ULK2: variants seen among roughly 807,000 people sequenced by gnomAD.
ULK2 encodes the protein unc-51 like autophagy activating kinase 2, also known as serine/threonine-protein kinase ULK2.
In ULK2, 76 loss-of-function variants were observed where a neutral mutation model predicts 127.5. That is an observed-to-expected ratio of 0.60 (90% confidence interval 0.50 to 0.72). ULK2 has a LOEUF of 0.72. ULK2 is among the 30% of genes least tolerant of loss of function. ULK2 has a pLI of 0.00. For synonymous variants in ULK2, 452 were observed against 461.9 expected, an observed-to-expected ratio of 0.98 and a Z score of 0.28; for missense variants, 1,144 against 1,295.9, an observed-to-expected ratio of 0.88 and a Z score of 1.80.
chr17:19,820,130 C>T (rs1428527362), intron 12 of ULK2, among the ~76,000 whole-genome samples: 1 of 151,096 alleles, frequency 6.6e-6, no homozygotes, highest in Non-Finnish European at 1.5e-5. Context: ...CTCACTGCAA[C>T]CTCCGCCTCC....
chr17:19,848,000 T>C (rs1213337022), intron 5 of ULK2, among the ~76,000 whole-genome samples: 2 of 152,150 alleles, frequency 1.3e-5, no homozygotes, highest in Non-Finnish European at 1.5e-5. Flanking sequence ...TCCTCATGTA[T>C]AAAAGTTGAT....
intron 16 of ULK2, among the ~76,000 whole-genome samples, chr17:19,800,222 T>C (rs1479269500): frequency 6.6e-6 from 1 of 152,342 alleles, no homozygotes; most frequent in East Asian, 1.9e-4. Flanking sequence ...GCTCCTCCCC[T>C]TCATTCTTCA....
chr17:19,785,411 C>T (rs982470608), intron 21 of ULK2, among the ~76,000 whole-genome samples: 7 of 151,928 alleles, frequency 4.6e-5, no homozygotes, highest in African/African-American at 1.7e-4. Flanking sequence ...CAGGTTTTCA[C>T]CATGTTGGCC....
At chr17:19,861,940 A>G (rs1701793296) in intron 3 of ULK2, among the ~76,000 whole-genome samples, 1 of 152,214 alleles carries the variant, frequency 6.6e-6, no homozygotes, top group Non-Finnish European at 1.5e-5. Context: ...TTGGAAAGCA[A>G]TCATACTCTA....
intron 10 of ULK2, among the ~76,000 whole-genome samples, chr17:19,834,557 A>G (rs1017807169): frequency 6.6e-6 from 1 of 152,110 alleles, no homozygotes; most frequent in Non-Finnish European, 1.5e-5. Flanking sequence ...GACACCAAAC[A>G]GTAACTTGAG....
intron 13 of ULK2, among the ~76,000 whole-genome samples, chr17:19,814,458 T>TGTTTG (rs1597752819): frequency 1.6e-5 from 2 of 122,792 alleles, no homozygotes; most frequent in African/African-American, 7.0e-5. Context: ...TTTTTTTTTT[T>TGTTTG]TTTTTGGAGA....
rs1203276527 is a variant in ULK2, at chr17:19,774,233, C to T, written c.*2116G>A. ...ATTAGCCTTGATAATGGAAGTATAA[C>T]CAGAACCATTATTCATGAATTTACA... On this transcript the variant is annotated 3_prime_UTR_variant, in exon 27 of 27. Transcript: ENST00000395544. The T allele has an allele frequency of 3.9e-5, 6 of 152,758 alleles. No homozygotes were observed. Among genetic ancestry groups the T allele is most frequent in the African/African-American group, 1.4e-4 (6 of 41,576 alleles). The allele number at this position is 152,758 out of a possible 1,614,324, so 9.5% of individuals were successfully genotyped here.
rs1313861476 is a variant in ULK2, at chr17:19,782,850, A to G, written c.2461-783T>C. Among the ~76,000 whole-genome samples, 10 of 152,178 alleles carry G rather than the reference A, an allele frequency of 6.6e-5. No homozygotes were observed. In the South Asian group the frequency reaches 1.0e-3, roughly 16 times the overall value. ...AGAGTGGCTTGAACCCAGGAGGTGG[A>G]AGTTAGAGTGAGCTGAGATCGCACC... On this transcript the variant is annotated intron_variant, in intron 22 of 26. Transcript: ENST00000395544.
intron 8 of ULK2, among the ~76,000 whole-genome samples, chr17:19,842,195 T>TC (rs892155458): frequency 2.1e-5 from 3 of 142,792 alleles, no homozygotes; most frequent in East Asian, 2.0e-4. Flanking sequence ...TTTTTCTTTT[T>TC]TTTTTTTTTT....
chr17:19,794,851 G>C (rs1327737242), intron 20 of ULK2, among the ~76,000 whole-genome samples: 1 of 152,034 alleles, frequency 6.6e-6, no homozygotes, highest in Non-Finnish European at 1.5e-5. Flanking sequence ...GGCTGAGATG[G>C]GTGGATCACG....
chr17:19,791,668 G>A (rs2087155355), intron 20 of ULK2, among the ~76,000 whole-genome samples: 1 of 151,924 alleles, frequency 6.6e-6, no homozygotes, highest in South Asian at 2.1e-4. Flanking sequence ...CTGGGCAACA[G>A]AGCGAAACTC....
At chr17:19,779,566 G>C (rs955462947) in intron 25 of ULK2, among the ~76,000 whole-genome samples, 2 of 142,018 alleles carry the variant, frequency 1.4e-5, no homozygotes, top group African/African-American at 5.2e-5. Flanking sequence ...AAAAACATAT[G>C]ATTGGCTAAC....
chr17:19,850,489 C>A (rs1161996357), intron 3 of ULK2, among the ~76,000 whole-genome samples: 2 of 152,174 alleles, frequency 1.3e-5, no homozygotes, highest in African/African-American at 2.4e-5. Flanking sequence ...TTAGATTGAA[C>A]TTCCCTGTGG....
chr17:19,822,904 T>C (rs1449783578), intron 12 of ULK2, among the ~76,000 whole-genome samples: 1 of 151,716 alleles, frequency 6.6e-6, no homozygotes, highest in Non-Finnish European at 1.5e-5. Context: ...GCCAGGACGG[T>C]CTTGATATCC....
intron 10 of ULK2, among the ~76,000 whole-genome samples, chr17:19,836,363 C>T (rs1039919104): frequency 5.3e-5 from 8 of 151,880 alleles, no homozygotes; most frequent in Admixed American, 3.9e-4. Context: ...GAGCCGAGAT[C>T]GCGCCACTGC....
chr17:19,817,535 AGATAG>A (rs2041021679), intron 12 of ULK2, among the ~76,000 whole-genome samples: 1 of 152,192 alleles, frequency 6.6e-6, no homozygotes, highest in Admixed American at 6.5e-5. Context: ...TGTTAGTAGG[AGATAG>A]GATAGGAAGG....
chr17:19,837,049 G>A (rs370030680), intron 10 of ULK2, among the ~76,000 whole-genome samples: 17 of 151,704 alleles, frequency 1.1e-4, no homozygotes, highest in African/African-American at 4.1e-4. Flanking sequence ...TCACACCACT[G>A]CATTCCAGTC....
chr17:19,781,260 T>TC (rs994820849), intron 23 of ULK2, among the ~76,000 whole-genome samples, 156 bp from the exon 24 acceptor site: 1 of 150,108 alleles, frequency 6.7e-6, no homozygotes, highest in Non-Finnish European at 1.5e-5. Flanking sequence ...TTTTTTTTTT[T>TC]TGACAGAGTC....
intron 7 of ULK2, 107 bp from the exon 8 acceptor site, chr17:19,843,329 AAAC>A (rs1449642414): frequency 1.2e-5 from 8 of 654,266 alleles, no homozygotes; most frequent in Non-Finnish European, 2.0e-5. Flanking sequence ...TACCAGAATA[AAAC>A]AACACCCTGT....
Sources: allele counts gnomAD v4.1 joint callset (sites outside exome capture counted in the v4.1 genomes callset), GRCh38; gene constraint gnomAD v4.1.1; transcripts MANE v1.5; gene names NCBI Gene and HGNC (gene_info 2026-07-23, HGNC 2026-07-21).